EPHB3: variants seen among roughly 807,000 people sequenced by gnomAD.
EPHB3 encodes the protein EPH receptor B3, also known as ephrin type-B receptor 3.
In EPHB3, 33 loss-of-function variants were observed where a neutral mutation model predicts 100.2. That is an observed-to-expected ratio of 0.33 (90% CI 0.25 to 0.44). EPHB3 has a LOEUF of 0.44. Among genes scored for constraint, EPHB3 ranks in the 20% least tolerant of loss-of-function variants. The pLI, the probability that EPHB3 is intolerant of heterozygous loss-of-function variation, is 1.00. For synonymous variants in EPHB3, 526 were observed against 554.7 expected, an observed-to-expected ratio of 0.95 and a Z score of 0.73; for missense variants, 1,045 against 1,378.3, an observed-to-expected ratio of 0.76 and a Z score of 3.83.
chr3:184,580,479 C>A lies in EPHB3; in HGVS notation c.2250C>A (p.Ser750=), dbSNP rs140530873. The A allele has an allele frequency of 1.2e-6, 2 of 1,614,058 alleles. No homozygotes were observed. ...TTGCTGCCGGCATGAAGTACCTGTC[C>A]GAGATGAACTATGTGCACCGCGACC... ...RGIAAGMKYL[S]EMNYVHRDLA... is the part of the protein sequence containing the mutation. The change falls in exon 12 of 16, where the codon TCC becomes TCA. Residue 750 remains serine, a synonymous_variant. Coordinates refer to ENST00000330394, the MANE Select transcript of EPHB3 (RefSeq NM_004443.4).
In EPHB3 at chr3:184,565,165, C is replaced by A. The variant is rs1014901330; in HGVS notation, c.118+2812C>A. On this transcript the variant is annotated intron_variant, in intron 1 of 15. Transcript: ENST00000330394. This position sits in a 1 kb window ranked among gnomAD's most constrained non-coding sequence, Gnocchi z 4.8. ...TGGAGCCTGGGTCCTTGCTTGTCCT[C>A]GTGGTTGAAAACATGCCCTCCCCTT... 7.2e-5 allele frequency among the ~76,000 whole-genome samples: 11 copies of A among 152,090 alleles called. No individual in the cohort carries two copies. Among genetic ancestry groups the A allele is most frequent in the Non-Finnish European group, 1.0e-4 (7 of 68,020 alleles).
At position 184,565,911 on chromosome 3, in the gene EPHB3, C is replaced by G. The variant is rs188123192; in HGVS notation, c.118+3558C>G. 6.6e-6 allele frequency among the ~76,000 whole-genome samples: 1 copy of G among 152,236 alleles called. No homozygotes were observed. The highest frequency in any genetic ancestry group is 1.5e-5 in the Non-Finnish European group (1 of 68,050). On this transcript the variant is annotated intron_variant, in intron 1 of 15. Coordinates refer to ENST00000330394, the MANE Select transcript of EPHB3 (RefSeq NM_004443.4). The surrounding 1 kb of genome is among the most constrained non-coding windows in gnomAD (Gnocchi z 4.8). ...TGCCGTGGGCAAGGCCTCTGCCGCA[C>G]GGCCTTCCACTAATTAAACAGCATG...
chr3:184,569,113 G>A lies in EPHB3; in HGVS notation c.119-2205G>A, dbSNP rs1714472353. Among the ~76,000 whole-genome samples the A allele has an allele frequency of 6.6e-6, 1 of 152,188 alleles. No individual in the cohort carries two copies. The highest frequency in any genetic ancestry group is 1.9e-4 in the East Asian group (1 of 5,174). ...GTTCCAGATGGGTTTGGCACAGGCTGAGCAGAAGGAAGTGAGGGAGAGGGA... is the reference window on the plus strand; with the variant it reads ...GTTCCAGATGGGTTTGGCACAGGCTAAGCAGAAGGAAGTGAGGGAGAGGGA... On this transcript the variant is annotated intron_variant, in intron 1 of 15. Transcript: ENST00000330394. This position sits in a 1 kb window ranked among gnomAD's most constrained non-coding sequence, Gnocchi z 5.4.
chr3:184,564,489 T>C (rs908027126), intron 1 of EPHB3, among the ~76,000 whole-genome samples: 1 of 152,264 alleles, frequency 6.6e-6, no homozygotes, highest in Non-Finnish European at 1.5e-5. Context: ...TTCTGAGTAC[T>C]GAATTCTTAA....
chr3:184,573,716 C>CA lies in EPHB3; in HGVS notation c.856+540_856+541insA, dbSNP rs753691738. Among the ~76,000 whole-genome samples, 2 of 138,578 alleles carry CA rather than the reference C, an allele frequency of 1.4e-5. No individual in the cohort carries two copies. The highest frequency in any genetic ancestry group is 5.4e-5 in the African/African-American group (2 of 37,276). 90.9% of individuals were successfully genotyped at this position (138,578 alleles called of 152,430 possible). ...CACTTACGTGACCTTGGGCAAGTTACTTTTTTTTTTTTTTTTTTGAGATGG... is the reference window on the plus strand; with the variant it reads ...CACTTACGTGACCTTGGGCAAGTTACATTTTTTTTTTTTTTTTTTGAGATGG... On this transcript the variant is annotated intron_variant, in intron 3 of 15. Transcript: ENST00000330394. This position sits in a 1 kb window ranked among gnomAD's most constrained non-coding sequence, Gnocchi z 4.5.
At chr3:184,574,436 C>G (rs957840762) in intron 3 of EPHB3, among the ~76,000 whole-genome samples, 1 of 152,226 alleles carries the variant, frequency 6.6e-6, no homozygotes, top group Non-Finnish European at 1.5e-5. Flanking sequence ...GGCCTTGTAG[C>G]TAGGGAATGT....
Position 184,581,739 on chromosome 3 carries a change from TTTG to T in EPHB3, c.*118_*120del, listed in dbSNP as rs1447153172. The T allele has an allele frequency of 9.2e-7, 1 of 1,089,728 alleles. No homozygotes were observed. The highest frequency in any genetic ancestry group is 1.3e-6 in the Non-Finnish European group (1 of 777,686). The allele number at this position is 1,089,728 out of a possible 1,614,324, so 67.5% of individuals were successfully genotyped here. ...TAGGCTGTGGCCCAGAAGCTGGAAG[TTTG>T]GGAAAGGCCCAAGCTGGGACTTCTC... On this transcript the variant is annotated 3_prime_UTR_variant, in exon 16 of 16. Coordinates refer to ENST00000330394, the MANE Select transcript of EPHB3 (RefSeq NM_004443.4).
chr3:184,564,845 G>A (rs1202245252), intron 1 of EPHB3, among the ~76,000 whole-genome samples: 1 of 152,122 alleles, frequency 6.6e-6, no homozygotes, highest in Non-Finnish European at 1.5e-5. Flanking sequence ...AGGATATGTG[G>A]GTTCCATAGC....
Position 184,581,309 on chromosome 3 carries a change from T to C in EPHB3, c.2789T>C (p.Val930Ala), listed in dbSNP as rs1357687152. The change falls in exon 15 of 16, where the codon GTT (valine) becomes GCT (alanine). Residue 930 changes from valine (V) to alanine (A), a missense_variant. Coordinates refer to ENST00000330394, the MANE Select transcript of EPHB3 (RefSeq NM_004443.4). Reference protein sequence around the residue: ...TVPDYTTFTTVGDWLDAIKMG... With the variant: ...TVPDYTTFTTAGDWLDAIKMG... The stretch of plus-strand genomic sequence containing the variant: ...CCAGATTACACAACCTTCACGACAG[T>C]TGGTGATTGGCTGGATGCCATCAAG... The C allele has an allele frequency of 6.2e-7, 1 of 1,609,244 alleles. No homozygotes were observed.
Position 184,569,620 on chromosome 3 carries a change from C to G in EPHB3, c.119-1698C>G, listed in dbSNP as rs919368761. Among the ~76,000 whole-genome samples the G allele has an allele frequency of 6.6e-6, 1 of 152,220 alleles. No homozygotes were observed. Among genetic ancestry groups the G allele is most frequent in the African/African-American group, 2.4e-5 (1 of 41,466 alleles). ...CCCTTACAGCCGGGCCCTCAGGGGA[C>G]CAGGGGCTGCGGCAGCGGGAGGAGC... On this transcript the variant is annotated intron_variant, in intron 1 of 15. Coordinates refer to ENST00000330394, the MANE Select transcript of EPHB3 (RefSeq NM_004443.4). This position sits in a 1 kb window ranked among gnomAD's most constrained non-coding sequence, Gnocchi z 5.4.
chr3:184,565,770 G>A lies in EPHB3; in HGVS notation c.118+3417G>A, dbSNP rs896495962. The stretch of plus-strand genomic sequence containing the variant: ...GCCTTCTGAGCAGCTGCTGGGGGCC[G>A]GCAGGTATTTGGAAGAACCAGTTTG... On this transcript the variant is annotated intron_variant, in intron 1 of 15. Transcript: ENST00000330394. The surrounding 1 kb of genome is among the most constrained non-coding windows in gnomAD (Gnocchi z 4.8). Among the ~76,000 whole-genome samples the A allele has an allele frequency of 1.3e-5, 2 of 152,186 alleles. No homozygotes were observed. Among genetic ancestry groups the A allele is most frequent in the Admixed American group, 6.5e-5 (1 of 15,286 alleles).
chr3:184,579,536 G>A lies in EPHB3; in HGVS notation c.1861G>A (p.Val621Ile), dbSNP rs772413999. ...TACCTACGAGGACCCTAATGAGGCT[G>A]TTCGGGAGTTTGCCAAGGAGATCGA... ...PFTYEDPNEA[V>I]REFAKEIDVS... Residue 621 changes from valine (V) to isoleucine (I), a missense_variant, in exon 10 of 16, where the codon GTT (valine) becomes ATT (isoleucine). Coordinates refer to ENST00000330394, the MANE Select transcript of EPHB3 (RefSeq NM_004443.4). The surrounding 1 kb of genome is among the most constrained non-coding windows in gnomAD (Gnocchi z 5.2). 6.2e-7 allele frequency: 1 copy of A among 1,614,102 alleles called. No individual in the cohort carries two copies. Among genetic ancestry groups the A allele is most frequent in the South Asian group, 1.1e-5 (1 of 91,072 alleles).
chr3:184,575,463 C>T (rs749362515), intron 3 of EPHB3, among the ~76,000 whole-genome samples: 20 of 152,090 alleles, frequency 1.3e-4, no homozygotes, highest in East Asian at 5.8e-4. Flanking sequence ...TCCACAGTGC[C>T]GGGTGCTGCT....
intron 3 of EPHB3, chr3:184,575,053 C>A: frequency 1.3e-6 from 1 of 773,590 alleles, no homozygotes; most frequent in Non-Finnish European, 1.6e-6. Flanking sequence ...ATTACTAGTG[C>A]CTCCTTTGAC....
chr3:184,577,989 C>T lies in EPHB3; in HGVS notation c.1731C>T (p.Ile577=), dbSNP rs749172575. The change falls in exon 8 of 16, where the codon ATC becomes ATT. Residue 577 remains isoleucine (I), a synonymous_variant. Coordinates refer to ENST00000330394, the MANE Select transcript of EPHB3 (RefSeq NM_004443.4). This position sits in a 1 kb window ranked among gnomAD's most constrained non-coding sequence, Gnocchi z 4.9. The part of the protein sequence containing the change: ...GLVFVVAVVV[I]AIVCLRKQRH... ...TCTTCGTGGTGGCTGTCGTGGTCAT[C>T]GCTATCGTCTGCCTCAGGTACTCCC... 1.5e-5 allele frequency: 25 copies of T among 1,613,852 alleles called. No individual in the cohort carries two copies. Among genetic ancestry groups the T allele is most frequent in the South Asian group, 1.1e-4 (10 of 91,082 alleles).
At position 184,571,615 on chromosome 3, in the gene EPHB3, C is replaced by T. The variant is rs1714542099; in HGVS notation, c.183+233C>T. Among the ~76,000 whole-genome samples the T allele has an allele frequency of 6.6e-6, 1 of 152,080 alleles. No individual in the cohort carries two copies. The highest frequency in any genetic ancestry group is 2.1e-4 in the South Asian group (1 of 4,816). On this transcript the variant is annotated intron_variant, in intron 2 of 15. Coordinates refer to ENST00000330394, the MANE Select transcript of EPHB3 (RefSeq NM_004443.4). The surrounding 1 kb of genome is among the most constrained non-coding windows in gnomAD (Gnocchi z 5.0). ...TCTCACCCCTCTGCCTGCCTGTGCC[C>T]CCCAGCTCCCGCTCCCTCTCCCTCT...
rs747034025 is a variant in EPHB3, at chr3:184,581,925, C to T, written c.*303C>T. The T allele has an allele frequency of 3.3e-6, 1 of 304,484 alleles. No homozygotes were observed. The highest frequency in any genetic ancestry group is 6.0e-6 in the Non-Finnish European group (1 of 165,628). 18.9% of individuals were successfully genotyped at this position (304,484 alleles called of 1,614,324 possible). A position where few individuals can be genotyped will look rare whatever the true frequency, so the allele number is the denominator to read the frequency against. On this transcript the variant is annotated 3_prime_UTR_variant, in exon 16 of 16. Coordinates refer to ENST00000330394, the MANE Select transcript of EPHB3 (RefSeq NM_004443.4). ...CACAACCTCACACTTGTCTGTTCTT[C>T]AGTGCTGGAGGTCCTGGCAGGGTCA... is the stretch of plus-strand genomic sequence containing the variant.
rs376828208 is a variant in EPHB3 at position 184,577,116 on chromosome 3, C to T, written c.1287C>T (p.Asn429=). ...TRYTFEVQAV[N]GVSGKSPLPP... is the part of the protein sequence containing the mutation. The stretch of plus-strand genomic sequence containing the variant: ...ACACCTTTGAGGTGCAGGCGGTCAA[C>T]GGTGTCTCGGGCAAGAGCCCTCTGC... The change falls in exon 5 of 16, where the codon AAC becomes AAT. Residue 429 remains asparagine (N), a synonymous_variant. Coordinates refer to ENST00000330394, the MANE Select transcript of EPHB3 (RefSeq NM_004443.4). This position sits in a 1 kb window ranked among gnomAD's most constrained non-coding sequence, Gnocchi z 4.9. 15 of 1,612,298 alleles carry T rather than the reference C, an allele frequency of 9.3e-6. No individual in the cohort carries two copies. The highest frequency in any genetic ancestry group is 1.3e-5 in the African/African-American group (1 of 74,928).
chr3:184,573,721 T>C lies in EPHB3; in HGVS notation c.856+545T>C, dbSNP rs149299623. 0.13 allele frequency among the ~76,000 whole-genome samples: 19,368 copies of C among 151,188 alleles called. 1,290 individuals are homozygous for C. The highest frequency in any genetic ancestry group is 0.19 in the Middle Eastern group (55 of 292). The stretch of plus-strand genomic sequence containing the variant: ...ACGTGACCTTGGGCAAGTTACTTTT[T>C]TTTTTTTTTTTTTGAGATGGAGTTT... On this transcript the variant is annotated intron_variant, in intron 3 of 15. Coordinates refer to ENST00000330394, the MANE Select transcript of EPHB3 (RefSeq NM_004443.4). This position sits in a 1 kb window ranked among gnomAD's most constrained non-coding sequence, Gnocchi z 4.5.
Sources: gnomAD v4.1 joint callset for allele counts (sites outside exome capture counted in the v4.1 genomes callset) on GRCh38, gnomAD v4.1.1 for gene constraint, Gnocchi (gnomAD v3.1) non-coding constraint, MANE v1.5 for transcripts, NCBI Gene and HGNC (gene_info 2026-07-23, HGNC 2026-07-21) for gene names.